NSUN3: variants seen among roughly 807,000 people sequenced by gnomAD.
The protein encoded by NSUN3 is tRNA (cytosine(34)-C(5))-methyltransferase, mitochondrial.
A neutral mutation model predicts 36.8 loss-of-function variants in NSUN3; 24 were observed. The observed-to-expected ratio is 0.65, with a 90% CI of 0.47 to 0.92. The LOEUF (loss-of-function observed/expected upper bound fraction) is 0.92. Ranked by LOEUF, NSUN3 falls within the 40% of genes least tolerant of loss-of-function variation. NSUN3 has a pLI of 0.00. For missense variants in NSUN3, 381 were observed against 392.8 expected (o/e 0.97, Z 0.25); for synonymous variants, 146 against 145.2 (o/e 1.01, Z -0.04).
intron 2 of NSUN3, chr3:94,076,707 T>G (rs2077248019): frequency 7.7e-7 from 1 of 1,304,884 alleles, no homozygotes; most frequent in Non-Finnish European, 1.1e-6. Flanking sequence ...TTAGGATGTT[T>G]TGTATAGTCC....
At chr3:94,093,753 G>A (rs1253413614) in intron 3 of NSUN3, among the ~76,000 whole-genome samples, 2 of 152,192 alleles carry the variant, frequency 1.3e-5, no homozygotes, top group African/African-American at 4.8e-5. Flanking sequence ...ATTACCACCT[G>A]TGTTTACTCT....
At chr3:94,074,556 C>T (rs2077238844) in intron 2 of NSUN3, among the ~76,000 whole-genome samples, 1 of 152,110 alleles carries the variant, frequency 6.6e-6, no homozygotes, top group Non-Finnish European at 1.5e-5. Flanking sequence ...ATTTTATTCT[C>T]TTAGTAGCAA....
At chr3:94,071,209 A>G (rs1474259194) in intron 2 of NSUN3, among the ~76,000 whole-genome samples, 1 of 152,180 alleles carries the variant, frequency 6.6e-6, no homozygotes, top group African/African-American at 2.4e-5. Flanking sequence ...TGTACTAATA[A>G]TATTATTGAT....
chr3:94,090,839 G>A (rs1043205426), intron 3 of NSUN3, among the ~76,000 whole-genome samples: 1 of 151,980 alleles, frequency 6.6e-6, no homozygotes, highest in African/African-American at 2.4e-5. Flanking sequence ...CTTCATGAGA[G>A]TGAAGGAATA....
Position 94,128,931 on chromosome 3 carries a change from A to G in NSUN3, c.*2441A>G, listed in dbSNP as rs974531947. Among the ~76,000 whole-genome samples the G allele has an allele frequency of 3.3e-5, 5 of 152,198 alleles. No individual in the cohort carries two copies. The highest frequency in any genetic ancestry group is 9.6e-5 in the African/African-American group (4 of 41,462). ...AATCATCAGAGAAATGCAAATCAAA[A>G]CCACACTGAGATAATATTTTACACC... On this transcript the variant is annotated 3_prime_UTR_variant, in exon 6 of 6. Transcript: ENST00000314622.
chr3:94,102,245 A>G (rs2077369235), intron 5 of NSUN3, among the ~76,000 whole-genome samples: 1 of 147,836 alleles, frequency 6.8e-6, no homozygotes, highest in African/African-American at 2.5e-5. Context: ...CTATTCTCTG[A>G]TGCACTGGAG....
At chr3:94,074,821 G>T (rs551760966) in intron 2 of NSUN3, among the ~76,000 whole-genome samples, 1 of 152,226 alleles carries the variant, frequency 6.6e-6, no homozygotes, top group South Asian at 2.1e-4. Context: ...GATTGCCCTG[G>T]CTAGAAATTC....
chr3:94,081,925 C>G (rs545646579), intron 2 of NSUN3: 1 of 152,144 alleles, frequency 6.6e-6, no homozygotes, highest in East Asian at 1.9e-4. Context: ...AACTTTTATT[C>G]CAAAGTTCAT....
At chr3:94,119,329 A>G (rs958633853) in intron 5 of NSUN3, among the ~76,000 whole-genome samples, 2 of 152,246 alleles carry the variant, frequency 1.3e-5, no homozygotes, top group African/African-American at 4.8e-5. Flanking sequence ...ATAGTGTGTA[A>G]TGATAAATTG....
At chr3:94,117,899 G>A (rs995504477) in intron 5 of NSUN3, among the ~76,000 whole-genome samples, 3 of 152,142 alleles carry the variant, frequency 2.0e-5, no homozygotes, top group Non-Finnish European at 4.4e-5. Context: ...GTGTGTTTCG[G>A]AGAAATGATA....
chr3:94,092,670 G>GAGGT (rs1217969846), intron 3 of NSUN3, among the ~76,000 whole-genome samples: 3 of 152,120 alleles, frequency 2.0e-5, no homozygotes, highest in African/African-American at 7.2e-5. Flanking sequence ...ATGGGAGACC[G>GAGGT]AGGTAGGTAG....
At chr3:94,114,568 C>T (rs1483509946) in intron 5 of NSUN3, among the ~76,000 whole-genome samples, 2 of 152,072 alleles carry the variant, frequency 1.3e-5, no homozygotes, top group African/African-American at 4.8e-5. Flanking sequence ...ATTCTGTTCT[C>T]TTTTATTCAG....
intron 2 of NSUN3, among the ~76,000 whole-genome samples, chr3:94,066,423 T>C (rs1419601918): frequency 6.6e-6 from 1 of 152,246 alleles, no homozygotes; most frequent in African/African-American, 2.4e-5. Flanking sequence ...CAAGACATAA[T>C]GTACTTGTAG....
chr3:94,120,225 ATAATC>A (rs2077455785), intron 5 of NSUN3, among the ~76,000 whole-genome samples: 1 of 152,210 alleles, frequency 6.6e-6, no homozygotes. Context: ...TATATCCACA[ATAATC>A]TAACATTTTT....
intron 2 of NSUN3, 62 bp from the exon 3 acceptor site, chr3:94,084,045 A>G: frequency 8.3e-7 from 1 of 1,204,774 alleles, no homozygotes. Context: ...GATTCGTAAT[A>G]TAAAATTGTA....
At chr3:94,120,282 CAT>C (rs1175131175) in intron 5 of NSUN3, among the ~76,000 whole-genome samples, 3 of 152,130 alleles carry the variant, frequency 2.0e-5, no homozygotes, top group Non-Finnish European at 2.9e-5. Flanking sequence ...AAATACATAA[CAT>C]AAAATTTGCT....
chr3:94,082,554 C>T (rs1356343420), intron 2 of NSUN3, among the ~76,000 whole-genome samples: 1 of 152,192 alleles, frequency 6.6e-6, no homozygotes, highest in Non-Finnish European at 1.5e-5. Flanking sequence ...ACATGGCACG[C>T]TTCCAGTCGC....
intron 2 of NSUN3, among the ~76,000 whole-genome samples, chr3:94,068,190 A>C (rs1214727064): frequency 2.0e-5 from 3 of 152,308 alleles, no homozygotes; most frequent in Non-Finnish European, 2.9e-5. Context: ...TGGGAAGATA[A>C]AATGAATTTG....
intron 5 of NSUN3, among the ~76,000 whole-genome samples, chr3:94,108,327 C>G (rs1177899714): frequency 6.6e-6 from 1 of 152,148 alleles, no homozygotes; most frequent in East Asian, 1.9e-4. Flanking sequence ...TGACCTGCCT[C>G]TTAATAAAGG....
Sources: allele counts gnomAD v4.1 joint callset (sites outside exome capture counted in the v4.1 genomes callset), GRCh38; gene constraint gnomAD v4.1.1; transcripts MANE v1.5; gene names NCBI Gene and HGNC (gene_info 2026-07-23, HGNC 2026-07-21).